The following EHD4 variants were observed in gnomAD, a reference collection of about 807,000 sequenced individuals.
EHD4 encodes the protein EH domain containing 4.
Under a neutral mutation model 51.0 loss-of-function variants are expected in EHD4, and 37 were observed. That is an observed-to-expected ratio of 0.73 (90% CI 0.56 to 0.95). EHD4 has a LOEUF of 0.95. EHD4 is among the 40% of genes least tolerant of loss of function. The pLI is 0.00. For synonymous variants in EHD4, 297 were observed against 317.3 expected (o/e 0.94, Z 0.68); for missense variants, 632 against 733.1 (o/e 0.86, Z 1.59).
chr15:41,917,836 AG>A (rs1218926334), intron 4 of EHD4, among the ~76,000 whole-genome samples: 1 of 152,218 alleles, frequency 6.6e-6, no homozygotes, highest in Non-Finnish European at 1.5e-5. Context: ...CACTTGGACC[AG>A]GAAGAACAGA....
intron 2 of EHD4, among the ~76,000 whole-genome samples, chr15:41,947,590 G>C (rs2067824120): frequency 6.6e-6 from 1 of 152,134 alleles, no homozygotes; most frequent in Non-Finnish European, 1.5e-5. Context: ...ACAGTAAATA[G>C]AACACAACCC....
intron 1 of EHD4, among the ~76,000 whole-genome samples, chr15:41,961,861 T>C (rs948908913): frequency 2.0e-5 from 3 of 152,124 alleles, no homozygotes; most frequent in African/African-American, 7.2e-5. Context: ...AAAGTAATCA[T>C]GAAGGTAACT....
chr15:41,902,019 T>G (rs1113333), intron 5 of EHD4, among the ~76,000 whole-genome samples: 1 of 152,002 alleles, frequency 6.6e-6, no homozygotes, highest in Non-Finnish European at 1.5e-5. Context: ...TAAACGTAGC[T>G]GGTAAGCCTG....
chr15:41,958,983 C>T (rs1668591), intron 1 of EHD4, among the ~76,000 whole-genome samples: 5,792 of 152,256 alleles, frequency 0.038, 383 homozygotes, highest in African/African-American at 0.13. Context: ...TTTACAGGAA[C>T]GTGTCCTGTG....
At chr15:41,919,179 T>C (rs200198158) in intron 4 of EHD4, 31 bp downstream of exon 4, 13 of 1,611,792 alleles carry the variant, frequency 8.1e-6, no homozygotes, top group Middle Eastern at 1.8e-4. Context: ...TCCCAGCCCC[T>C]GGCCTCTGTG....
intron 3 of EHD4, among the ~76,000 whole-genome samples, chr15:41,921,259 T>C (rs1401388224): frequency 1.3e-5 from 2 of 152,162 alleles, no homozygotes; most frequent in East Asian, 3.8e-4. Context: ...TCTGTCTCAC[T>C]GCGGCACTCC....
At chr15:41,945,018 T>C (rs1395100599) in intron 2 of EHD4, among the ~76,000 whole-genome samples, 1 of 152,112 alleles carries the variant, frequency 6.6e-6, no homozygotes, top group African/African-American at 2.4e-5. Context: ...ACCATGCCAT[T>C]ATTCAATTCT....
intron 3 of EHD4, among the ~76,000 whole-genome samples, chr15:41,934,628 C>G (rs1297722410): frequency 6.6e-6 from 1 of 152,138 alleles, no homozygotes; most frequent in Admixed American, 6.5e-5. Context: ...AGCATTTTAA[C>G]AGCTCCCCAG....
chr15:41,918,671 G>A (rs980791256), intron 4 of EHD4, among the ~76,000 whole-genome samples: 1 of 152,118 alleles, frequency 6.6e-6, no homozygotes, highest in African/African-American at 2.4e-5. Context: ...AGGATGCGGG[G>A]GTGACCCAAA....
At chr15:41,923,361 G>A (rs1057498654) in intron 3 of EHD4, among the ~76,000 whole-genome samples, 23 of 152,192 alleles carry the variant, frequency 1.5e-4, no homozygotes, top group Admixed American at 1.3e-4. Flanking sequence ...CTTGTGTCAT[G>A]AAGGACTCAG....
chr15:41,934,636 C>A (rs1196793793), intron 3 of EHD4, among the ~76,000 whole-genome samples: 1 of 152,112 alleles, frequency 6.6e-6, no homozygotes, highest in African/African-American at 2.4e-5. Flanking sequence ...AACAGCTCCC[C>A]AGGTGATAAC....
chr15:41,966,674 C>G (rs1446146488), intron 1 of EHD4, among the ~76,000 whole-genome samples: 2 of 152,238 alleles, frequency 1.3e-5, no homozygotes, highest in Non-Finnish European at 2.9e-5. Context: ...ACAGAGCCAA[C>G]AGAGTCCTGG....
intron 2 of EHD4, among the ~76,000 whole-genome samples, chr15:41,945,840 T>G (rs1000952623): frequency 6.6e-6 from 1 of 152,204 alleles, no homozygotes; most frequent in African/African-American, 2.4e-5. Flanking sequence ...CGTAGCCCAG[T>G]AGTGAAGAAC....
intron 3 of EHD4, among the ~76,000 whole-genome samples, chr15:41,939,460 C>T (rs1426889): frequency 0.52 from 78,673 of 151,366 alleles, 21,602 homozygotes; most frequent in African/African-American, 0.7. Context: ...TTTGGGAGGC[C>T]GAGGCGGGTG....
At chr15:41,959,395 CAAAAAAAA>C (rs36120701) in intron 1 of EHD4, among the ~76,000 whole-genome samples, 1 of 66,412 alleles carries the variant, frequency 1.5e-5, no homozygotes. Context: ...GACTTTGTCT[CAAAAAAAA>C]AAAAAAAAAA....
intron 4 of EHD4, among the ~76,000 whole-genome samples, chr15:41,917,233 G>C (rs2067591097): frequency 6.6e-6 from 1 of 151,988 alleles, no homozygotes; most frequent in African/African-American, 2.4e-5. Flanking sequence ...CGATTCTCCT[G>C]CCTCAGCCTC....
intron 4 of EHD4, 113 bp from the exon 5 acceptor site, chr15:41,909,976 C>T (rs780110068): frequency 2.9e-6 from 4 of 1,385,484 alleles, no homozygotes; most frequent in Non-Finnish European, 4.0e-6. Flanking sequence ...CCACACAAAC[C>T]AGGTCCCAAG....
chr15:41,935,607 G>A (rs544317795), intron 3 of EHD4, among the ~76,000 whole-genome samples: 55 of 152,214 alleles, frequency 3.6e-4, no homozygotes, highest in South Asian at 1.9e-3. Context: ...TGCCTTCTCC[G>A]TGTGTGTGAC....
At chr15:41,917,630 T>G (rs1238186367) in intron 4 of EHD4, among the ~76,000 whole-genome samples, 2 of 152,206 alleles carry the variant, frequency 1.3e-5, no homozygotes, top group Non-Finnish European at 2.9e-5. Context: ...TTGTACCTGC[T>G]GGAGAAAGGA....
Sources: allele counts gnomAD v4.1 joint callset (sites outside exome capture counted in the v4.1 genomes callset), GRCh38; gene constraint gnomAD v4.1.1; transcripts MANE v1.5; gene names NCBI Gene and HGNC (gene_info 2026-07-23, HGNC 2026-07-21).